Variants in SH3RF1 observed in about 807,000 individuals in gnomAD.
SH3RF1 encodes the protein E3 ubiquitin-protein ligase SH3RF1.
SH3RF1 carries 32 observed loss-of-function variants against 74.0 expected under a neutral mutation model. The ratio of observed to expected loss-of-function variants is 0.43; its 90% confidence interval spans 0.33 to 0.58. SH3RF1 has a LOEUF of 0.58. SH3RF1 is among the 20% of genes least tolerant of loss of function. The probability of loss-of-function intolerance (pLI) is 0.05; values close to 1 mark genes in which losing one functional copy is unlikely to be tolerated. For synonymous variants in SH3RF1, 396 were observed against 439.6 expected, an observed-to-expected ratio of 0.90 and a Z score of 1.24; for missense variants, 954 against 1,130.9, an observed-to-expected ratio of 0.84 and a Z score of 2.24.
rs1732887976 is a variant in SH3RF1 at position 169,094,909 on chromosome 4, T to C, written c.*1610A>G. 1 of 151,888 alleles carries C rather than the reference T, an allele frequency of 6.6e-6. No homozygotes were observed. Among genetic ancestry groups the C allele is most frequent in the Non-Finnish European group, 1.5e-5 (1 of 67,950 alleles). The allele number at this position is 151,888 out of a possible 1,614,324, so 9.4% of individuals were successfully genotyped here. A position where few individuals can be genotyped will look rare whatever the true frequency, so the allele number is the denominator to read the frequency against. ...TGTTTCTATTTCCCAGTTTTAATTC[T>C]TAAAGGAAAAAAAAAAAGATGAAAG... On this transcript the variant is annotated 3_prime_UTR_variant, in exon 12 of 12. Coordinates refer to ENST00000284637, the MANE Select transcript of SH3RF1 (RefSeq NM_020870.4).
Position 169,136,391 on chromosome 4 carries a change from A to T in SH3RF1, c.995T>A (p.Ile332Asn). The change falls in exon 5 of 12, where the codon ATC becomes AAC. Residue 332 changes from isoleucine (I) to asparagine (N), a missense_variant. Coordinates refer to ENST00000284637, the MANE Select transcript of SH3RF1 (RefSeq NM_020870.4). ...HSMEISPPVL[I>N]SSSNPTAAAR... ...AGCAGCAGTGGGGTTGCTGGAGCTG[A>T]TGAGGACAGGGGGGCTGATCTCCAT... The T allele has an allele frequency of 6.3e-7, 1 of 1,595,140 alleles. No individual in the cohort carries two copies. The highest frequency in any genetic ancestry group is 8.5e-7 in the Non-Finnish European group (1 of 1,172,248).
chr4:169,130,296 A>G (rs1359889263), intron 5 of SH3RF1, 140 bp from the exon 6 acceptor site: 2 of 646,064 alleles, frequency 3.1e-6, no homozygotes, highest in Non-Finnish European at 5.1e-6. Context: ...AATCCCTTTT[A>G]GTCTGCTCAA....
At position 169,133,503 on chromosome 4, in the gene SH3RF1, C is replaced by T. The variant is rs113473503; in HGVS notation, c.1068+2815G>A. On this transcript the variant is annotated intron_variant, in intron 5 of 11. Coordinates refer to ENST00000284637, the MANE Select transcript of SH3RF1 (RefSeq NM_020870.4). ...AAAAAGAAAAAAAAAAGAGGCTGTG[C>T]GTGGTGGCTCACACCTGTAATCCCA... 4.0e-3 allele frequency among the ~76,000 whole-genome samples: 608 copies of T among 151,142 alleles called. 5 individuals carry two copies. Among genetic ancestry groups the T allele is most frequent in the African/African-American group, 0.014 (586 of 41,146 alleles).
intron 5 of SH3RF1, among the ~76,000 whole-genome samples, chr4:169,132,360 C>T (rs1211992714): frequency 6.6e-6 from 1 of 152,158 alleles, no homozygotes; most frequent in Non-Finnish European, 1.5e-5. Flanking sequence ...TGTCTCTAGG[C>T]CCCTGTGAGC....
intron 2 of SH3RF1, among the ~76,000 whole-genome samples, chr4:169,163,081 C>T (rs1734176108): frequency 1.4e-5 from 2 of 141,052 alleles, no homozygotes; most frequent in Admixed American, 7.5e-5. Flanking sequence ...TTAATGGTTT[C>T]GGGGGCAAGG....
intron 11 of SH3RF1, among the ~76,000 whole-genome samples, chr4:169,106,408 G>A (rs978256025): frequency 6.6e-6 from 1 of 151,720 alleles, no homozygotes; most frequent in Non-Finnish European, 1.5e-5. Context: ...GCCCAGGGAA[G>A]CCAAAAGATT....
At chr4:169,122,795 C>G (rs1206241662) in intron 6 of SH3RF1, among the ~76,000 whole-genome samples, 1 of 152,114 alleles carries the variant, frequency 6.6e-6, no homozygotes, top group Non-Finnish European at 1.5e-5. Flanking sequence ...GTCACTGGAC[C>G]ATTGTTGCTA....
chr4:169,262,269 T>G (rs1025211150), intron 2 of SH3RF1, among the ~76,000 whole-genome samples: 2 of 152,344 alleles, frequency 1.3e-5, no homozygotes, highest in Middle Eastern at 3.4e-3. Context: ...TCTGCAAGTA[T>G]ATACACACTT....
chr4:169,119,222 A>C (rs531159748), intron 8 of SH3RF1, among the ~76,000 whole-genome samples: 2 of 149,868 alleles, frequency 1.3e-5, no homozygotes, highest in Non-Finnish European at 3.0e-5. Context: ...TCCTGCCTCA[A>C]CCTCCAAAGT....
At chr4:169,233,685 A>C (rs1048627462) in intron 2 of SH3RF1, among the ~76,000 whole-genome samples, 1 of 152,202 alleles carries the variant, frequency 6.6e-6, no homozygotes, top group African/African-American at 2.4e-5. Context: ...TAATTCATTG[A>C]CTGATTTTCT....
intron 9 of SH3RF1, 107 bp from the exon 10 acceptor site, chr4:169,116,737 T>C (rs1270309561): frequency 3.7e-5 from 52 of 1,390,370 alleles, no homozygotes; most frequent in Non-Finnish European, 4.6e-5. Flanking sequence ...AAGGCTGCTA[T>C]TGTATTTATT....
intron 4 of SH3RF1, among the ~76,000 whole-genome samples, chr4:169,144,188 T>C (rs1481176937): frequency 6.6e-6 from 1 of 152,186 alleles, no homozygotes; most frequent in Non-Finnish European, 1.5e-5. Context: ...TGAACATGAG[T>C]TATTCTTACT....
intron 2 of SH3RF1, among the ~76,000 whole-genome samples, chr4:169,169,667 AGAAG>A (rs1204178665): frequency 6.6e-6 from 1 of 152,168 alleles, no homozygotes; most frequent in Non-Finnish European, 1.5e-5. Context: ...TAAAGGTGAG[AGAAG>A]GAAGGAAGAT....
chr4:169,234,774 GATTTCT>G (rs1730800168), intron 2 of SH3RF1, among the ~76,000 whole-genome samples: 1 of 152,168 alleles, frequency 6.6e-6, no homozygotes, highest in Non-Finnish European at 1.5e-5. Context: ...ACGGTAAATT[GATTTCT>G]ATTTCTAAGT....
At chr4:169,111,259 C>T (rs1013252569) in intron 10 of SH3RF1, among the ~76,000 whole-genome samples, 7 of 148,500 alleles carry the variant, frequency 4.7e-5, no homozygotes, top group Non-Finnish European at 7.5e-5. Context: ...CGAGATCACA[C>T]CACTGCACTC....
chr4:169,210,393 A>C (rs1730337305), intron 2 of SH3RF1, among the ~76,000 whole-genome samples: 1 of 152,200 alleles, frequency 6.6e-6, no homozygotes, highest in South Asian at 2.1e-4. Flanking sequence ...GCTTTAACCT[A>C]TGATTATTTG....
chr4:169,108,466 T>C (rs1733183949), intron 10 of SH3RF1, among the ~76,000 whole-genome samples: 1 of 152,178 alleles, frequency 6.6e-6, no homozygotes, highest in Admixed American at 6.5e-5. Context: ...CCAGGGACAG[T>C]GCACCATAGT....
chr4:169,118,617 G>A (rs180721546), intron 8 of SH3RF1, among the ~76,000 whole-genome samples: 4 of 152,048 alleles, frequency 2.6e-5, no homozygotes, highest in Admixed American at 1.3e-4. Flanking sequence ...CACCATGCCC[G>A]GCTACTTTTT....
Position 169,224,117 on chromosome 4 carries a change from A to C in SH3RF1, c.393+44703T>G, listed in dbSNP as rs1579147976. ...AACAGTACTGTCCTTGTAACAATTT[A>C]GAAGCTCCACTAATTTCTAAACACT... is the stretch of plus-strand genomic sequence containing the variant. On this transcript the variant is annotated intron_variant, in intron 2 of 11. Coordinates refer to ENST00000284637, the MANE Select transcript of SH3RF1 (RefSeq NM_020870.4). Among the ~76,000 whole-genome samples the C allele has an allele frequency of 2.6e-5, 4 of 152,250 alleles. 1 individual carries two copies. The South Asian group carries it at 8.3e-4, about 31-fold the overall frequency.
Sources: allele counts gnomAD v4.1 joint callset (sites outside exome capture counted in the v4.1 genomes callset), GRCh38; gene constraint gnomAD v4.1.1; transcripts MANE v1.5; gene names NCBI Gene and HGNC (gene_info 2026-07-23, HGNC 2026-07-21).